TENM3: variants seen among roughly 807,000 people sequenced by gnomAD.
TENM3 encodes teneurin-3.
A neutral mutation model predicts 255.1 loss-of-function variants in TENM3; 63 were observed. That is an observed-to-expected ratio of 0.25 (90% CI 0.20 to 0.30). The LOEUF (loss-of-function observed/expected upper bound fraction) is 0.30, where lower values mean the gene tolerates loss of function less well. TENM3 is among the 10% of genes least tolerant of loss of function. The pLI, the probability that TENM3 is intolerant of heterozygous loss-of-function variation, is 1.00. For synonymous variants in TENM3, 1,306 were observed against 1,322.3 expected (o/e 0.99, Z 0.27); for missense variants, 2,929 against 3,461.1 (o/e 0.85, Z 3.86).
chr4:181,487,815 C>A, the TENM3 span, among the ~76,000 whole-genome samples: 1 of 152,050 alleles, frequency 6.6e-6, no homozygotes, highest in Non-Finnish European at 1.5e-5. Flanking sequence ...TATGCCCCTG[C>A]AGGGTGTGCG....
At chr4:182,578,166 G>A (rs1251455946) in intron 3 of TENM3, among the ~76,000 whole-genome samples, 3 of 151,890 alleles carry the variant, frequency 2.0e-5, no homozygotes, top group East Asian at 1.9e-4. Flanking sequence ...TAGTAGAGAC[G>A]GGGTTTCACC....
chr4:182,199,435 A>G (rs531239919), intron 1 of TENM3, among the ~76,000 whole-genome samples: 7 of 152,300 alleles, frequency 4.6e-5, no homozygotes, highest in African/African-American at 1.7e-4. Context: ...AAACAAAAAA[A>G]AGAAGAAACA....
At chr4:182,644,538 C>A (rs1303538872) in intron 5 of TENM3, among the ~76,000 whole-genome samples, 3 of 152,036 alleles carry the variant, frequency 2.0e-5, no homozygotes, top group South Asian at 2.1e-4. Flanking sequence ...ACCATGGATT[C>A]CGTTCGTCTC....
the TENM3 span, among the ~76,000 whole-genome samples, chr4:181,642,059 A>C: frequency 6.6e-6 from 1 of 151,622 alleles, no homozygotes; most frequent in Non-Finnish European, 1.5e-5. Flanking sequence ...TGTTTTTCAC[A>C]ATGATTGAAC....
At chr4:181,838,647 T>C in the TENM3 span, among the ~76,000 whole-genome samples, 5 of 152,282 alleles carry the variant, frequency 3.3e-5, no homozygotes, top group South Asian at 1.0e-3. Flanking sequence ...TAAGTTATAC[T>C]TTAGGAATTT....
At chr4:182,010,967 G>C in the TENM3 span, among the ~76,000 whole-genome samples, 2 of 152,118 alleles carry the variant, frequency 1.3e-5, no homozygotes, top group Non-Finnish European at 2.9e-5. Flanking sequence ...TTTCCCTCTA[G>C]CTTCTCAGTT....
chr4:182,031,039 C>T, the TENM3 span, among the ~76,000 whole-genome samples: 1 of 152,148 alleles, frequency 6.6e-6, no homozygotes, highest in Admixed American at 6.5e-5. Flanking sequence ...TTTTGCTGTG[C>T]AGAAGCTCTT....
the TENM3 span, among the ~76,000 whole-genome samples, chr4:182,018,105 G>A: frequency 1.3e-5 from 2 of 152,098 alleles, no homozygotes; most frequent in African/African-American, 4.8e-5. Flanking sequence ...GTAATTATTT[G>A]GTTTGTACAA....
the TENM3 span, among the ~76,000 whole-genome samples, chr4:181,598,687 AG>A: frequency 4.0e-5 from 6 of 150,516 alleles, no homozygotes; most frequent in Non-Finnish European, 7.4e-5. Context: ...AACAAGCATA[AG>A]AAAAAAAAAA....
chr4:182,391,237 G>T (rs914788555), intron 3 of TENM3, among the ~76,000 whole-genome samples: 1 of 150,940 alleles, frequency 6.6e-6, no homozygotes, highest in Non-Finnish European at 1.5e-5. Flanking sequence ...CCGTGCCCAT[G>T]ACTGAGAAGA....
At chr4:182,523,832 TTC>T (rs1560870260) in intron 3 of TENM3, among the ~76,000 whole-genome samples, 4 of 62,720 alleles carry the variant, frequency 6.4e-5, no homozygotes, top group South Asian at 5.7e-4. Flanking sequence ...TAATTATTAT[TTC>T]GGAGAGACAA....
At chr4:182,066,599 A>AAATATATATAT in the TENM3 span, among the ~76,000 whole-genome samples, 210 of 137,104 alleles carry the variant, frequency 1.5e-3, 1 homozygote, top group Middle Eastern at 3.8e-3. Flanking sequence ...GTAAAAAAAA[A>AAATATATATAT]ATATATATAT....
At chr4:182,753,228 G>C (rs527860587) in intron 20 of TENM3, among the ~76,000 whole-genome samples, 1 of 152,272 alleles carries the variant, frequency 6.6e-6, no homozygotes, top group South Asian at 2.1e-4. Context: ...GATTGCAGGC[G>C]TGAGCCACCA....
At chr4:182,407,282 G>T (rs1170193666) in intron 3 of TENM3, among the ~76,000 whole-genome samples, 1 of 152,144 alleles carries the variant, frequency 6.6e-6, no homozygotes, top group Non-Finnish European at 1.5e-5. Flanking sequence ...CTTCTAGGTT[G>T]CATCTTACCC....
At chr4:181,678,533 C>A in the TENM3 span, among the ~76,000 whole-genome samples, 1 of 152,018 alleles carries the variant, frequency 6.6e-6, no homozygotes, top group South Asian at 2.1e-4. Context: ...TCTATCAAAA[C>A]TCTAGTGCCA....
At chr4:181,848,544 A>T in the TENM3 span, among the ~76,000 whole-genome samples, 1 of 152,204 alleles carries the variant, frequency 6.6e-6, no homozygotes, top group Admixed American at 6.5e-5. Context: ...GCCTGTGTTA[A>T]CACTGCATGA....
the TENM3 span, among the ~76,000 whole-genome samples, chr4:181,698,086 C>T: frequency 1.7e-4 from 26 of 151,694 alleles, no homozygotes; most frequent in African/African-American, 5.3e-4. Context: ...TGGTGGCAGG[C>T]GCTTGTAGTC....
At chr4:181,581,364 C>T in the TENM3 span, among the ~76,000 whole-genome samples, 1 of 152,102 alleles carries the variant, frequency 6.6e-6, no homozygotes, top group Non-Finnish European at 1.5e-5. Context: ...TCACTTGAAC[C>T]TGGGAGGCGG....
At chr4:181,910,586 A>AC in the TENM3 span, among the ~76,000 whole-genome samples, 3 of 64,818 alleles carry the variant, frequency 4.6e-5, no homozygotes, top group East Asian at 5.6e-4. Context: ...GTACATATGT[A>AC]TTTGTATATA....
Sources: gnomAD v4.1 joint callset for allele counts (sites outside exome capture counted in the v4.1 genomes callset) on GRCh38, gnomAD v4.1.1 for gene constraint, MANE v1.5 for transcripts, NCBI Gene and HGNC (gene_info 2026-07-23, HGNC 2026-07-21) for gene names.